The following SYT2 variants were observed in gnomAD, a reference collection of about 807,000 sequenced individuals.
SYT2 encodes the protein synaptotagmin 2.
SYT2 carries 15 observed loss-of-function variants against 39.9 expected under a neutral mutation model. That is an observed-to-expected ratio of 0.38 (90% CI 0.25 to 0.58). SYT2 has a LOEUF of 0.58. Among genes scored for constraint, SYT2 ranks in the 20% least tolerant of loss-of-function variants. The pLI is 0.70. For missense variants in SYT2, 389 were observed against 530.3 expected, an observed-to-expected ratio of 0.73 and a Z score of 2.62; for synonymous variants, 181 against 204.5, an observed-to-expected ratio of 0.89 and a Z score of 0.98.
At chr1:202,704,737 G>A (rs1175564136) in intron 1 of SYT2, among the ~76,000 whole-genome samples, 1 of 151,912 alleles carries the variant, frequency 6.6e-6, no homozygotes, top group East Asian at 1.9e-4. Context: ...AACCTGCAAG[G>A]GCTTTTGGTG....
intron 1 of SYT2, among the ~76,000 whole-genome samples, chr1:202,621,111 T>C (rs919310710): frequency 6.6e-6 from 1 of 152,170 alleles, no homozygotes; most frequent in African/African-American, 2.4e-5. Context: ...TAGTTGCTTC[T>C]GGGGAGCGGA....
rs1395040622 is a variant in SYT2, at chr1:202,596,883, G to A, written c.1134C>T (p.Ser378=). 5 of 1,614,102 alleles carry A rather than the reference G, an allele frequency of 3.1e-6. No individual in the cohort carries two copies. Among genetic ancestry groups the A allele is most frequent in the Admixed American group, 3.3e-5 (2 of 60,012 alleles). The change falls in exon 9 of 9, where the codon AGC becomes AGT. Residue 378 remains serine (S), a synonymous_variant. Coordinates refer to ENST00000367268, the MANE Select transcript of SYT2 (RefSeq NM_177402.5). ...GCCGCAGCTCTGTGCCCGTGGCATT[G>A]CTGCCCACGAAGATCTTGCCTATGG... ...NEAIGKIFVG[S]NATGTELRHW... is the part of the protein sequence containing the mutation.
At chr1:202,617,067 T>C (rs1370717199) in intron 1 of SYT2, among the ~76,000 whole-genome samples, 1 of 152,224 alleles carries the variant, frequency 6.6e-6, no homozygotes, top group Non-Finnish European at 1.5e-5. Flanking sequence ...CAGCCCCTCA[T>C]GCTCTCCATC....
intron 1 of SYT2, among the ~76,000 whole-genome samples, chr1:202,651,402 G>T (rs1692192475): frequency 6.6e-6 from 1 of 152,126 alleles, no homozygotes. Flanking sequence ...CGATCAGTTT[G>T]GGAGCCTGTG....
chr1:202,645,112 G>T (rs1400891579), intron 1 of SYT2, among the ~76,000 whole-genome samples: 1 of 152,180 alleles, frequency 6.6e-6, no homozygotes, highest in Non-Finnish European at 1.5e-5. Flanking sequence ...AGCCCCTCTA[G>T]TCAGGTCTGC....
At chr1:202,662,322 G>A (rs890455610) in intron 1 of SYT2, among the ~76,000 whole-genome samples, 9 of 152,216 alleles carry the variant, frequency 5.9e-5, no homozygotes, top group Non-Finnish European at 1.2e-4. Flanking sequence ...TCCTAAAGAC[G>A]CAGAGATTAC....
chr1:202,637,850 C>G (rs745830671), intron 1 of SYT2, among the ~76,000 whole-genome samples: 1 of 152,214 alleles, frequency 6.6e-6, no homozygotes, highest in Non-Finnish European at 1.5e-5. Flanking sequence ...TTGGTGGCTG[C>G]GGGACCAGGT....
chr1:202,605,108 A>G (rs1009216469), intron 2 of SYT2: 10 of 165,840 alleles, frequency 6.0e-5, no homozygotes, highest in East Asian at 5.1e-4. Context: ...GCAAAACCCA[A>G]CTGGGGATGG....
At chr1:202,665,853 T>C (rs898005103) in intron 1 of SYT2, among the ~76,000 whole-genome samples, 2 of 152,212 alleles carry the variant, frequency 1.3e-5, no homozygotes, top group African/African-American at 2.4e-5. Context: ...CACAAATTTA[T>C]TTCTTTAAAA....
At chr1:202,701,665 C>A (rs1387746654) in intron 1 of SYT2, among the ~76,000 whole-genome samples, 2 of 152,184 alleles carry the variant, frequency 1.3e-5, no homozygotes, top group Non-Finnish European at 2.9e-5. Flanking sequence ...CAGCTTCACC[C>A]ACCACTGCTT....
At chr1:202,633,788 G>A (rs1020464236) in intron 1 of SYT2, among the ~76,000 whole-genome samples, 25 of 152,184 alleles carry the variant, frequency 1.6e-4, no homozygotes, top group African/African-American at 6.0e-4. Flanking sequence ...CTTATGAAAT[G>A]CCATATTGAA....
At chr1:202,698,032 T>C (rs1368519910) in intron 1 of SYT2, among the ~76,000 whole-genome samples, 3 of 151,918 alleles carry the variant, frequency 2.0e-5, no homozygotes, top group Non-Finnish European at 4.4e-5. Flanking sequence ...CAGCAGGGGA[T>C]GCGGGGAGGG....
intron 1 of SYT2, among the ~76,000 whole-genome samples, chr1:202,687,803 T>C (rs934121604): frequency 1.6e-4 from 25 of 152,186 alleles, no homozygotes; most frequent in African/African-American, 5.8e-4. Flanking sequence ...GAATAGATCC[T>C]CTGTTAATTT....
chr1:202,657,630 G>T (rs930674628), intron 1 of SYT2, among the ~76,000 whole-genome samples: 3 of 152,196 alleles, frequency 2.0e-5, no homozygotes, highest in African/African-American at 4.8e-5. Flanking sequence ...GGCTCCTGGG[G>T]TGAGAGATGT....
chr1:202,644,013 C>T (rs566885216), intron 1 of SYT2, among the ~76,000 whole-genome samples: 1 of 152,212 alleles, frequency 6.6e-6, no homozygotes, highest in South Asian at 2.1e-4. Context: ...TGAAGGTTTT[C>T]CTGAGTCAAG....
At chr1:202,682,692 C>A (rs908899655) in intron 1 of SYT2, among the ~76,000 whole-genome samples, 1 of 152,040 alleles carries the variant, frequency 6.6e-6, no homozygotes, top group Non-Finnish European at 1.5e-5. Flanking sequence ...TGGGGACAAC[C>A]GAGAGTCAAG....
At chr1:202,698,115 C>CCCA (rs202103079) in intron 1 of SYT2, among the ~76,000 whole-genome samples, 4 of 151,480 alleles carry the variant, frequency 2.6e-5, no homozygotes, top group South Asian at 2.1e-4. Flanking sequence ...TCTCACCACC[C>CCCA]CCCCAAGGAA....
Position 202,599,499 on chromosome 1 carries a change from TC to T in SYT2, c.920-149del. ...CCTCAGAAAGCCCCAAGTCATGCCA[TC>T]CAGTTCAAAGGTGGCAAAAGGCTTC... On this transcript the variant is annotated intron_variant, in intron 7 of 8. Coordinates refer to ENST00000367268, the MANE Select transcript of SYT2 (RefSeq NM_177402.5). The surrounding 1 kb of genome is among the most constrained non-coding windows in gnomAD (Gnocchi z 4.4). 1.1e-6 allele frequency: 1 copy of T among 943,794 alleles called. No homozygotes were observed. Among genetic ancestry groups the T allele is most frequent in the Non-Finnish European group, 1.5e-6 (1 of 655,226 alleles). The allele number at this position is 943,794 out of a possible 1,614,324, so 58.5% of individuals were successfully genotyped here.
chr1:202,656,691 C>A (rs1692283584), intron 1 of SYT2, among the ~76,000 whole-genome samples: 1 of 152,222 alleles, frequency 6.6e-6, no homozygotes, highest in Non-Finnish European at 1.5e-5. Flanking sequence ...CGTGCCACAG[C>A]CATGACATAG....
Sources: gnomAD v4.1 joint callset for allele counts (sites outside exome capture counted in the v4.1 genomes callset) on GRCh38, gnomAD v4.1.1 for gene constraint, Gnocchi (gnomAD v3.1) non-coding constraint, MANE v1.5 for transcripts, NCBI Gene and HGNC (gene_info 2026-07-23, HGNC 2026-07-21) for gene names.